APMAP: variants seen among roughly 807,000 people sequenced by gnomAD.
APMAP encodes adipocyte plasma membrane-associated protein.
Under a neutral mutation model 43.6 loss-of-function variants are expected in APMAP, and 33 were observed. The observed-to-expected ratio is 0.76, with a 90% CI of 0.57 to 1.01. The LOEUF is 1.01. APMAP is among the 50% of genes least tolerant of loss of function. The probability of loss-of-function intolerance (pLI) is 0.00; values close to 1 mark genes in which losing one functional copy is unlikely to be tolerated. For missense variants in APMAP, 498 were observed against 540.7 expected (o/e 0.92, Z 0.78); for synonymous variants, 224 against 216.7 (o/e 1.03, Z -0.30).
intron 1 of APMAP, among the ~76,000 whole-genome samples, chr20:24,986,690 C>T (rs549291976): frequency 2.0e-5 from 3 of 152,278 alleles, no homozygotes; most frequent in South Asian, 2.1e-4. Flanking sequence ...ATGTGCTTTA[C>T]GTGGGCAACC....
At chr20:24,968,458 G>A (rs1362468317) in intron 8 of APMAP, among the ~76,000 whole-genome samples, 2 of 152,226 alleles carry the variant, frequency 1.3e-5, no homozygotes, top group African/African-American at 2.4e-5. Context: ...CACCTGCAGG[G>A]AGGGGAGGAA....
In APMAP at chr20:24,974,795, A is replaced by G. The variant is rs148698249; in HGVS notation, c.329-1058T>C. 3.9e-5 allele frequency among the ~76,000 whole-genome samples: 6 copies of G among 152,320 alleles called. No individual in the cohort carries two copies. In the South Asian group the frequency reaches 6.2e-4, roughly 16 times the overall value. On this transcript the variant is annotated intron_variant, in intron 3 of 8. Transcript: ENST00000217456. ...AAAGGGGTCAATGCCTCAAAAAAAC[A>G]TAAGAACCTTTAATGTGTATATGCT...
intron 2 of APMAP, among the ~76,000 whole-genome samples, chr20:24,982,409 T>C (rs1217222239): frequency 6.6e-6 from 1 of 152,222 alleles, no homozygotes; most frequent in African/African-American, 2.4e-5. Flanking sequence ...TTCTCTTCCT[T>C]TCCTTCCTCA....
intron 8 of APMAP, 106 bp from the exon 9 acceptor site, chr20:24,964,128 A>G: frequency 8.6e-6 from 10 of 1,157,962 alleles, no homozygotes; most frequent in Non-Finnish European, 1.3e-5. Context: ...ACTCCTTCCC[A>G]TGACAGGGCA....
At chr20:24,965,242 T>C (rs930054049) in intron 8 of APMAP, among the ~76,000 whole-genome samples, 1 of 152,234 alleles carries the variant, frequency 6.6e-6, no homozygotes, top group African/African-American at 2.4e-5. Context: ...CTGCCAGTCT[T>C]GCCATCTGTT....
intron 8 of APMAP, chr20:24,964,543 A>G (rs2087927535): frequency 2.2e-6 from 1 of 456,388 alleles, no homozygotes; most frequent in Admixed American, 2.4e-5. Context: ...AAAAAGCAAA[A>G]TCCCACTGCT....
intron 1 of APMAP, 50 bp from the exon 2 acceptor site, chr20:24,984,069 A>AC: frequency 6.7e-7 from 1 of 1,500,488 alleles, no homozygotes; most frequent in Non-Finnish European, 9.2e-7. Flanking sequence ...TCAGACAGTG[A>AC]CAAGGTTGGC....
intron 1 of APMAP, among the ~76,000 whole-genome samples, chr20:24,985,088 T>C (rs765332409): frequency 6.6e-6 from 1 of 152,148 alleles, no homozygotes; most frequent in Non-Finnish European, 1.5e-5. Context: ...GTTCTGGGTA[T>C]GGTGTAGAAA....
intron 8 of APMAP, among the ~76,000 whole-genome samples, chr20:24,966,537 C>T (rs1355366947): frequency 5.9e-5 from 9 of 152,272 alleles, no homozygotes; most frequent in East Asian, 1.9e-4. Flanking sequence ...TTCACTGCTG[C>T]GCCACTGCTG....
At chr20:24,983,346 AT>A (rs1346734839) in intron 2 of APMAP, among the ~76,000 whole-genome samples, 1 of 152,238 alleles carries the variant, frequency 6.6e-6, no homozygotes, top group Admixed American at 6.5e-5. Context: ...TCCTGCAACT[AT>A]GTCAACATGG....
rs771531812 is a variant in APMAP at position 24,963,854 on chromosome 20, T to C, written c.1210A>G (p.Arg404Gly). Residue 404 changes from arginine to glycine, a missense_variant, in exon 9 of 9, where the codon AGG (arginine) becomes GGG (glycine). By Grantham distance (125) the Arg-to-Gly change is moderately radical. Coordinates refer to ENST00000217456, the MANE Select transcript of APMAP (RefSeq NM_020531.3). ...HDGHLYLGSF[R>G]SPFLCRLSLQ... ...CTGAGTCTGCAGAGGAAGGGGGACC[T>C]GAAAGAGCCCAGGTACAGGTGCCCA... 1 of 1,614,146 alleles carries C rather than the reference T, an allele frequency of 6.2e-7. No individual in the cohort carries two copies. The highest frequency in any genetic ancestry group is 1.7e-5 in the Admixed American group (1 of 60,026).
At position 24,969,083 on chromosome 20, in the gene APMAP, C is replaced by G; in HGVS notation, c.850G>C (p.Val284Leu). 1 of 1,579,482 alleles carries G rather than the reference C, an allele frequency of 6.3e-7. No individual in the cohort carries two copies. ...AETTMARIRR[V>L]YVSGLMKGGA... Reference sequence around the variant, plus strand: ...CCCTTCATCAGGCCAGAAACGTAGACTCTGAAAAATTCACCCAAGCAGAGA... The same window carrying G: ...CCCTTCATCAGGCCAGAAACGTAGAGTCTGAAAAATTCACCCAAGCAGAGA... Residue 284 changes from valine (V) to leucine (L), a missense_variant and splice_region_variant, in exon 8 of 9, where the codon GTC (valine) becomes CTC (leucine). Coordinates refer to ENST00000217456, the MANE Select transcript of APMAP (RefSeq NM_020531.3).
At chr20:24,975,119 C>A (rs1397402853) in intron 3 of APMAP, among the ~76,000 whole-genome samples, 1 of 152,100 alleles carries the variant, frequency 6.6e-6, no homozygotes, top group Non-Finnish European at 1.5e-5. Flanking sequence ...AGATCAAGAA[C>A]AAGGCAAAGA....
In APMAP at chr20:24,963,795, G is replaced by T. The variant is rs758218188; in HGVS notation, c.*18C>A. The T allele has an allele frequency of 3.1e-6, 5 of 1,612,322 alleles. No individual in the cohort carries two copies. In the South Asian group the frequency reaches 5.5e-5, roughly 18 times the overall value. Reference sequence around the variant, plus strand: ...GAAGACTCCTGGCCTGCGTGGCAGGGGCAGCTATCTGGGAGGGCTAAACAG... The same window carrying T: ...GAAGACTCCTGGCCTGCGTGGCAGGTGCAGCTATCTGGGAGGGCTAAACAG... On this transcript the variant is annotated 3_prime_UTR_variant, in exon 9 of 9. Coordinates refer to ENST00000217456, the MANE Select transcript of APMAP (RefSeq NM_020531.3).
intron 1 of APMAP, among the ~76,000 whole-genome samples, chr20:24,990,424 A>G (rs1195962956): frequency 6.6e-6 from 1 of 152,170 alleles, no homozygotes; most frequent in Non-Finnish European, 1.5e-5. Context: ...CAATGATCTC[A>G]TCAGCAAAAC....
intron 2 of APMAP, among the ~76,000 whole-genome samples, chr20:24,983,621 A>T (rs1048895262): frequency 2.0e-5 from 3 of 152,230 alleles, no homozygotes; most frequent in Non-Finnish European, 2.9e-5. Context: ...GAAATGAATT[A>T]TAGTTGACTG....
At position 24,963,340 on chromosome 20, in the gene APMAP, C is replaced by T. The variant is rs541346790; in HGVS notation, c.*473G>A. The T allele has an allele frequency of 4.0e-4, 69 of 173,018 alleles. No homozygotes were observed. Among genetic ancestry groups the T allele is most frequent in the Middle Eastern group, 5.6e-3 (2 of 360 alleles). 10.7% of individuals were successfully genotyped at this position (173,018 alleles called of 1,614,324 possible). Reference sequence around the variant, plus strand: ...CACCGCTGGCCTCAACACCCCTGGGCCATGCTCCCTCTGCTCTTCCATCCC... The same window carrying T: ...CACCGCTGGCCTCAACACCCCTGGGTCATGCTCCCTCTGCTCTTCCATCCC... On this transcript the variant is annotated 3_prime_UTR_variant, in exon 9 of 9. Coordinates refer to ENST00000217456, the MANE Select transcript of APMAP (RefSeq NM_020531.3).
intron 1 of APMAP, among the ~76,000 whole-genome samples, chr20:24,989,782 G>C (rs1336849556): frequency 1.3e-5 from 2 of 151,992 alleles, no homozygotes; most frequent in African/African-American, 2.4e-5. Flanking sequence ...TACACACCTG[G>C]GGCAAAGCTG....
In APMAP at chr20:24,963,868, T is replaced by G. The variant is rs776538519; in HGVS notation, c.1196A>C (p.Tyr399Ser). ...SEVHEHDGHL[Y>S]LGSFRSPFLC... Reference sequence around the variant, plus strand: ...GAAGGGGGACCTGAAAGAGCCCAGGTACAGGTGCCCATCGTGTTCGTGCAC... The same window carrying G: ...GAAGGGGGACCTGAAAGAGCCCAGGGACAGGTGCCCATCGTGTTCGTGCAC... Residue 399 changes from tyrosine to serine, a missense_variant, in exon 9 of 9, where the codon TAC (tyrosine) becomes TCC (serine). Transcript: ENST00000217456. 6 of 1,614,196 alleles carry G rather than the reference T, an allele frequency of 3.7e-6. No homozygotes were observed. In the Admixed American group the frequency reaches 1.0e-4, roughly 27 times the overall value.
Sources: allele counts gnomAD v4.1 joint callset (sites outside exome capture counted in the v4.1 genomes callset), GRCh38; gene constraint gnomAD v4.1.1; transcripts MANE v1.5; gene names NCBI Gene and HGNC (gene_info 2026-07-23, HGNC 2026-07-21).